Variants in VWA8 observed in about 807,000 individuals in gnomAD.
VWA8 encodes von Willebrand factor A domain-containing protein 8.
A neutral mutation model predicts 241.5 loss-of-function variants in VWA8; 221 were observed. The observed-to-expected ratio is 0.91, with a 90% confidence interval of 0.82 to 1.02. The LOEUF (loss-of-function observed/expected upper bound fraction) is 1.02. Among genes scored for constraint, VWA8 ranks in the 50% least tolerant of loss-of-function variants. The pLI, the probability that VWA8 is intolerant of heterozygous loss-of-function variation, is 0.00. For synonymous variants in VWA8, 852 were observed against 827.1 expected (o/e 1.03, Z -0.52); for missense variants, 2,322 against 2,328.7 (o/e 1.00, Z 0.06).
intron 1 of VWA8, among the ~76,000 whole-genome samples, 177 bp downstream of exon 1, chr13:41,960,676 C>T (rs989187631): frequency 6.6e-6 from 1 of 152,204 alleles, no homozygotes; most frequent in Admixed American, 6.5e-5. Flanking sequence ...GCCTTGCCCC[C>T]ACGTTACACA....
At chr13:41,771,402 C>T (rs1371836804) in intron 20 of VWA8, among the ~76,000 whole-genome samples, 3 of 152,090 alleles carry the variant, frequency 2.0e-5, no homozygotes, top group Admixed American at 1.3e-4. Context: ...GGATTACAGG[C>T]GTGAGCCACC....
intron 43 of VWA8, among the ~76,000 whole-genome samples, chr13:41,573,486 A>ATAAATAAATAAATATATATAT (rs1555303592): frequency 8.8e-6 from 1 of 113,612 alleles, no homozygotes; most frequent in African/African-American, 3.4e-5. Flanking sequence ...AAAAAAAAAA[A>ATAAATAAATAAATATATATAT]ATATATATAT....
intron 12 of VWA8, among the ~76,000 whole-genome samples, chr13:41,861,394 A>G (rs981594129): frequency 3.9e-5 from 6 of 152,232 alleles, no homozygotes; most frequent in African/African-American, 1.4e-4. Context: ...AACAACTGGA[A>G]TAAGACAAGG....
intron 9 of VWA8, among the ~76,000 whole-genome samples, chr13:41,872,013 T>C (rs551410142): frequency 1.3e-5 from 2 of 152,324 alleles, no homozygotes; most frequent in South Asian, 2.1e-4. Flanking sequence ...TGGTGTGAGA[T>C]GGTATCTCAT....
chr13:41,773,099 AGACTGAAC>A, intron 20 of VWA8, among the ~76,000 whole-genome samples: 1 of 152,238 alleles, frequency 6.6e-6, no homozygotes, highest in South Asian at 2.1e-4. Flanking sequence ...GAAAGAAAGG[AGACTGAAC>A]AATTGCTACA....
At chr13:41,926,891 T>G in intron 2 of VWA8, 1 of 575,992 alleles carries the variant, frequency 1.7e-6, no homozygotes, top group Admixed American at 1.9e-5. Context: ...GCCCTCTACC[T>G]TGGACCACAG....
intron 37 of VWA8, among the ~76,000 whole-genome samples, chr13:41,642,679 A>G (rs2044804181): frequency 6.6e-6 from 1 of 152,104 alleles, no homozygotes; most frequent in Admixed American, 6.5e-5. Context: ...CCGTAATCCC[A>G]GCACTTTGGG....
At chr13:41,632,987 A>G (rs2044735240) in intron 37 of VWA8, among the ~76,000 whole-genome samples, 1 of 152,154 alleles carries the variant, frequency 6.6e-6, no homozygotes, top group South Asian at 2.1e-4. Context: ...AGCTAAGGGC[A>G]TTTGTGGTTT....
In VWA8 at chr13:41,883,441, T is replaced by C. The variant is rs764807106; in HGVS notation, c.1026A>G (p.Pro342=). The C allele has an allele frequency of 5.0e-6, 8 of 1,613,746 alleles. No individual in the cohort carries two copies. Among genetic ancestry groups the C allele is most frequent in the East Asian group, 2.2e-5 (1 of 44,860 alleles). ...PIKHAIQWLY[P]YSILLGHEGK... is the part of the protein sequence containing the mutation. ...CTTCATGACCTAGTAAAATACTATA[T>C]GGATAAAGCCACTGGATTGCATGTT... The change falls in exon 9 of 45, where the codon CCA becomes CCG. Residue 342 remains proline (P), a synonymous_variant. Transcript: ENST00000379310.
intron 42 of VWA8, among the ~76,000 whole-genome samples, chr13:41,585,797 G>C (rs927227084): frequency 6.7e-6 from 1 of 150,052 alleles, no homozygotes; most frequent in African/African-American, 2.5e-5. Flanking sequence ...CCAGGAGGCA[G>C]AGGTTGCAGT....
chr13:41,785,640 C>T (rs1441118819), intron 18 of VWA8, among the ~76,000 whole-genome samples: 1 of 152,138 alleles, frequency 6.6e-6, no homozygotes, highest in African/African-American at 2.4e-5. Flanking sequence ...ACACATTTGA[C>T]ACAGCACAGT....
chr13:41,727,116 C>G, intron 24 of VWA8, 78 bp downstream of exon 24: 4 of 1,144,978 alleles, frequency 3.5e-6, no homozygotes, highest in Non-Finnish European at 4.9e-6. Context: ...GATAAGCATT[C>G]AATGACAGCC....
At chr13:41,850,858 A>G (rs1193657952) in intron 12 of VWA8, among the ~76,000 whole-genome samples, 9 of 152,330 alleles carry the variant, frequency 5.9e-5, no homozygotes, top group Non-Finnish European at 1.0e-4. Flanking sequence ...CACTAAATAA[A>G]TGGAGACCTA....
At chr13:41,686,597 A>G (rs983244906) in intron 34 of VWA8, among the ~76,000 whole-genome samples, 1 of 152,022 alleles carries the variant, frequency 6.6e-6, no homozygotes, top group African/African-American at 2.4e-5. Flanking sequence ...TCCAATTCCA[A>G]TCTAATAACT....
intron 12 of VWA8, among the ~76,000 whole-genome samples, chr13:41,859,156 A>C (rs1331117293): frequency 6.6e-6 from 1 of 152,114 alleles, no homozygotes; most frequent in Non-Finnish European, 1.5e-5. Flanking sequence ...AGAACACTTA[A>C]ATGAATACAA....
chr13:41,638,429 A>G (rs2044773229), intron 37 of VWA8, among the ~76,000 whole-genome samples: 1 of 152,244 alleles, frequency 6.6e-6, no homozygotes, highest in South Asian at 2.1e-4. Context: ...GAGAATTTAA[A>G]GTGAAGAGGG....
At chr13:41,725,012 C>A (rs1305859909) in intron 24 of VWA8, among the ~76,000 whole-genome samples, 2 of 152,048 alleles carry the variant, frequency 1.3e-5, no homozygotes, top group Non-Finnish European at 2.9e-5. Flanking sequence ...CTTTTTCTAA[C>A]CACATTCAGC....
chr13:41,867,730 A>T (rs1442884585), intron 10 of VWA8, among the ~76,000 whole-genome samples: 3 of 152,214 alleles, frequency 2.0e-5, no homozygotes, highest in Non-Finnish European at 2.9e-5. Flanking sequence ...AAAGTTTATC[A>T]TGAGCTGGGC....
At chr13:41,727,103 CATG>C in intron 24 of VWA8, 88 bp downstream of exon 24, 1 of 1,008,402 alleles carries the variant, frequency 9.9e-7, no homozygotes, top group Non-Finnish European at 1.4e-6. Context: ...TGGCACAGCA[CATG>C]ATAAGCATTC....
Sources: allele counts gnomAD v4.1 joint callset (sites outside exome capture counted in the v4.1 genomes callset), GRCh38; gene constraint gnomAD v4.1.1; transcripts MANE v1.5; gene names NCBI Gene and HGNC (gene_info 2026-07-23, HGNC 2026-07-21).